The following GNA12 variants were observed in gnomAD, a reference collection of about 807,000 sequenced individuals.
The protein encoded by GNA12 is guanine nucleotide-binding protein subunit alpha-12.
A neutral mutation model predicts 26.0 loss-of-function variants in GNA12; 9 were observed. That is an observed-to-expected ratio of 0.35 (90% CI 0.21 to 0.60). The LOEUF is 0.60. Ranked by LOEUF, GNA12 falls within the 20% of genes least tolerant of loss-of-function variation. The pLI, the probability that GNA12 is intolerant of heterozygous loss-of-function variation, is 0.78. For synonymous variants in GNA12, 264 were observed against 219.6 expected (o/e 1.20, Z -1.79); for missense variants, 405 against 525.8 (o/e 0.77, Z 2.25).
In GNA12 at chr7:2,779,440, T is replaced by G. The variant is rs148366715; in HGVS notation, c.525+15488A>C. The stretch of plus-strand genomic sequence containing the variant: ...TGGGAGAATTGCTTGAACCTGCGAG[T>G]TCGAGGCTACAGTGAGCTATGATCA... On this transcript the variant is annotated intron_variant, in intron 2 of 3. Coordinates refer to ENST00000275364, the MANE Select transcript of GNA12 (RefSeq NM_007353.3). Among the ~76,000 whole-genome samples the G allele has an allele frequency of 1.4e-3, 211 of 151,852 alleles. 2 individuals are homozygous for G. Among genetic ancestry groups the G allele is most frequent in the African/African-American group, 4.7e-3 (193 of 41,388 alleles).
chr7:2,782,012 C>G (rs1188857830), intron 2 of GNA12, among the ~76,000 whole-genome samples: 1 of 152,180 alleles, frequency 6.6e-6, no homozygotes, highest in Non-Finnish European at 1.5e-5. Context: ...ACCCACATAT[C>G]TATGGCCAAT....
In GNA12 at chr7:2,770,089, G is replaced by A. The variant is rs555666003; in HGVS notation, c.525+24839C>T. Reference sequence around the variant, plus strand: ...AAGCTATAGACTGGCCTGGTACTGTGAGGAAAATAAAATATATCCTCAACA... The same window carrying A: ...AAGCTATAGACTGGCCTGGTACTGTAAGGAAAATAAAATATATCCTCAACA... On this transcript the variant is annotated intron_variant, in intron 2 of 3. Transcript: ENST00000275364. Among the ~76,000 whole-genome samples, 9 of 152,260 alleles carry A rather than the reference G, an allele frequency of 5.9e-5. 1 individual carries two copies. The South Asian group carries it at 1.9e-3, about 32-fold the overall frequency.
chr7:2,772,751 A>G (rs541594034), intron 2 of GNA12, among the ~76,000 whole-genome samples: 1 of 152,270 alleles, frequency 6.6e-6, no homozygotes, highest in African/African-American at 2.4e-5. Context: ...GCCAGTTTGG[A>G]GAAATAGTTG....
At chr7:2,753,391 T>TCCTCCTGCTTTGG (rs59648923) in intron 2 of GNA12, among the ~76,000 whole-genome samples, 86,947 of 151,844 alleles carry the variant, frequency 0.57, 25,173 homozygotes, top group Admixed American at 0.63. Context: ...GCTCAAGCCA[T>TCCTCCTGCTTTGG]CCTCCCAAAG....
intron 2 of GNA12, among the ~76,000 whole-genome samples, chr7:2,735,126 C>T (rs148365310): frequency 2.6e-5 from 4 of 152,240 alleles, no homozygotes; most frequent in South Asian, 4.1e-4. Context: ...CCCTGATTTA[C>T]GACAAGTTCC....
chr7:2,736,071 T>A (rs1177081470), intron 2 of GNA12, among the ~76,000 whole-genome samples: 1 of 152,086 alleles, frequency 6.6e-6, no homozygotes, highest in African/African-American at 2.4e-5. Context: ...ACTCCTCAAG[T>A]CTTACAGCAG....
chr7:2,788,163 A>AAT (rs1562428634), intron 2 of GNA12, among the ~76,000 whole-genome samples: 1 of 151,620 alleles, frequency 6.6e-6, no homozygotes, highest in African/African-American at 2.4e-5. Context: ...AAAAAAAAAA[A>AAT]CAAATGCCAG....
intron 1 of GNA12, among the ~76,000 whole-genome samples, chr7:2,799,233 A>T (rs1038815474): frequency 6.6e-6 from 1 of 152,166 alleles, no homozygotes; most frequent in African/African-American, 2.4e-5. Context: ...TGCCAACCAC[A>T]CATCTGCCAT....
chr7:2,794,645 A>C, intron 2 of GNA12: 1 of 412,420 alleles, frequency 2.4e-6, no homozygotes, highest in Non-Finnish European at 4.4e-6. Flanking sequence ...AAAAAAAACT[A>C]AATTTCTCGG....
intron 1 of GNA12, among the ~76,000 whole-genome samples, chr7:2,841,973 G>T (rs943376563): frequency 4.8e-5 from 7 of 145,670 alleles, no homozygotes; most frequent in African/African-American, 1.7e-4. Context: ...GGAAAAAGTG[G>T]TGAGGGGACA....
Position 2,844,033 on chromosome 7 carries a change from G to C in GNA12, c.129C>G (p.Ile43Met). 2 of 1,435,594 alleles carry C rather than the reference G, an allele frequency of 1.4e-6. No homozygotes were observed. The highest frequency in any genetic ancestry group is 1.8e-6 in the Non-Finnish European group (2 of 1,086,098). 88.9% of individuals were successfully genotyped at this position (1,435,594 alleles called of 1,614,324 possible). ...GCCGCTCGCGGGCCAGCAGCGCGTCGATGTCGCGGCTACGCCTCCGGGCCT... is the reference window on the plus strand; with the variant it reads ...GCCGCTCGCGGGCCAGCAGCGCGTCCATGTCGCGGCTACGCCTCCGGGCCT... ...EREARRRSRD[I>M]DALLARERRA... Residue 43 changes from isoleucine (I) to methionine (M), a missense_variant, in exon 1 of 4, where the codon ATC becomes ATG. Transcript: ENST00000275364.
rs569947854 is a variant in GNA12, at chr7:2,749,191, G to T, written c.526-15690C>A. Among the ~76,000 whole-genome samples, 1,409 of 152,248 alleles carry T rather than the reference G, an allele frequency of 9.3e-3. 14 individuals are homozygous for T. The highest frequency in any genetic ancestry group is 0.032 in the African/African-American group (1,327 of 41,526). On this transcript the variant is annotated intron_variant, in intron 2 of 3. Coordinates refer to ENST00000275364, the MANE Select transcript of GNA12 (RefSeq NM_007353.3). ...TACCCAAAGGATTATAAATCATGCT[G>T]CTATAAAGACACATGCACACGTGTG...
chr7:2,836,781 G>A (rs998095302), intron 1 of GNA12, among the ~76,000 whole-genome samples: 1 of 152,020 alleles, frequency 6.6e-6, no homozygotes, highest in African/African-American at 2.4e-5. Context: ...AAAATTAGCT[G>A]GGCATGGTGG....
intron 2 of GNA12, among the ~76,000 whole-genome samples, chr7:2,738,134 G>T (rs141208739): frequency 6.6e-6 from 1 of 152,210 alleles, no homozygotes; most frequent in East Asian, 1.9e-4. Flanking sequence ...CAAATATTAG[G>T]TAAGAGGACC....
intron 2 of GNA12, among the ~76,000 whole-genome samples, chr7:2,788,184 G>C (rs1792414514): frequency 2.6e-5 from 4 of 151,830 alleles, no homozygotes; most frequent in Admixed American, 2.6e-4. Context: ...CAAAACCAGA[G>C]AGCCAAGAAT....
intron 1 of GNA12, among the ~76,000 whole-genome samples, chr7:2,813,234 A>G (rs1793128863): frequency 6.6e-6 from 1 of 152,244 alleles, no homozygotes. Context: ...TACAGTTTAT[A>G]TTTTCAAGCT....
intron 1 of GNA12, among the ~76,000 whole-genome samples, chr7:2,829,075 GAA>G (rs748186284): frequency 4.0e-5 from 2 of 49,498 alleles, no homozygotes. Flanking sequence ...CCTGTCTCAG[GAA>G]AAAAAAAAAA....
intron 2 of GNA12, among the ~76,000 whole-genome samples, chr7:2,785,947 A>C (rs891603660): frequency 6.6e-6 from 1 of 152,228 alleles, no homozygotes; most frequent in African/African-American, 2.4e-5. Flanking sequence ...GACGCCTGTA[A>C]TCCCAGCTAC....
chr7:2,795,531 G>A (rs890943464), intron 1 of GNA12, among the ~76,000 whole-genome samples: 9 of 151,818 alleles, frequency 5.9e-5, no homozygotes, highest in African/African-American at 2.2e-4. Context: ...TCTCAGCTGA[G>A]CGGGGAGGAT....
Sources: gnomAD v4.1 joint callset for allele counts (sites outside exome capture counted in the v4.1 genomes callset) on GRCh38, gnomAD v4.1.1 for gene constraint, MANE v1.5 for transcripts, NCBI Gene and HGNC (gene_info 2026-07-23, HGNC 2026-07-21) for gene names.